The following LRRC4C variants were observed in gnomAD, a reference collection of about 807,000 sequenced individuals.
The protein encoded by LRRC4C is leucine-rich repeat-containing protein 4C.
A neutral mutation model predicts 33.6 loss-of-function variants in LRRC4C; 5 were observed. The observed-to-expected ratio is 0.15, with a 90% CI of 0.08 to 0.31. The LOEUF is 0.31. Among genes scored for constraint, LRRC4C ranks in the 10% least tolerant of loss-of-function variants. The pLI is 1.00. For synonymous variants in LRRC4C, 329 were observed against 302.0 expected, an observed-to-expected ratio of 1.09 and a Z score of -0.93; for missense variants, 560 against 796.7, an observed-to-expected ratio of 0.70 and a Z score of 3.58.
chr11:40,472,018 G>A (rs1219313309), intron 3 of LRRC4C, among the ~76,000 whole-genome samples: 5 of 152,106 alleles, frequency 3.3e-5, no homozygotes, highest in African/African-American at 4.8e-5. Context: ...ACTCGAGGCC[G>A]GGCAAGGTGG....
At chr11:41,317,386 T>C (rs1270907909) in intron 1 of LRRC4C, among the ~76,000 whole-genome samples, 1 of 152,234 alleles carries the variant, frequency 6.6e-6, no homozygotes, top group Admixed American at 6.5e-5. Flanking sequence ...TTCCCTTCTT[T>C]TCTATTCCCA....
intron 1 of LRRC4C, among the ~76,000 whole-genome samples, chr11:41,243,808 C>T (rs1022565932): frequency 6.6e-6 from 1 of 152,178 alleles, no homozygotes; most frequent in Admixed American, 6.5e-5. Flanking sequence ...CTGGGCTCTA[C>T]CTTTGGTGAT....
chr11:40,795,098 A>T (rs930459291), intron 2 of LRRC4C, among the ~76,000 whole-genome samples: 6 of 152,190 alleles, frequency 3.9e-5, no homozygotes, highest in Non-Finnish European at 7.3e-5. Context: ...GGTAACAGTC[A>T]ATGACTTGCA....
chr11:41,130,221 C>A (rs1297888295), intron 1 of LRRC4C, among the ~76,000 whole-genome samples: 1 of 151,902 alleles, frequency 6.6e-6, no homozygotes, highest in African/African-American at 2.4e-5. Context: ...TTATCATCTC[C>A]TTGGCACTAC....
intron 2 of LRRC4C, among the ~76,000 whole-genome samples, chr11:40,849,267 A>G (rs1178508477): frequency 6.6e-6 from 1 of 152,182 alleles, no homozygotes; most frequent in Admixed American, 6.5e-5. Context: ...TTCTTTTTGC[A>G]GTGGCTTGTG....
chr11:40,153,641 A>G (rs773601610), intron 5 of LRRC4C, among the ~76,000 whole-genome samples: 9 of 152,156 alleles, frequency 5.9e-5, no homozygotes, highest in Non-Finnish European at 1.3e-4. Context: ...TTAGAAATGA[A>G]AAATGCTCTG....
At chr11:40,446,207 C>A (rs895268962) in intron 3 of LRRC4C, 2 of 152,200 alleles carry the variant, frequency 1.3e-5, no homozygotes, top group Non-Finnish European at 2.9e-5. Context: ...CTACTGTATT[C>A]AAAATATTGC....
At chr11:41,164,557 G>A (rs1944634623) in intron 1 of LRRC4C, among the ~76,000 whole-genome samples, 1 of 152,092 alleles carries the variant, frequency 6.6e-6, no homozygotes, top group African/African-American at 2.4e-5. Flanking sequence ...AACTCTATGT[G>A]CTGCACTTCT....
At chr11:41,231,558 T>C (rs1246168132) in intron 1 of LRRC4C, among the ~76,000 whole-genome samples, 2 of 133,660 alleles carry the variant, frequency 1.5e-5, no homozygotes, top group African/African-American at 5.8e-5. Flanking sequence ...TAGGTGGGAA[T>C]TGAACAATGA....
intron 1 of LRRC4C, among the ~76,000 whole-genome samples, chr11:41,287,414 C>G (rs1416146639): frequency 6.6e-6 from 1 of 152,062 alleles, no homozygotes; most frequent in Admixed American, 6.6e-5. Flanking sequence ...TAGGTTGGTG[C>G]AAAAGTAATT....
intron 2 of LRRC4C, among the ~76,000 whole-genome samples, chr11:40,865,513 A>G (rs925649675): frequency 8.1e-4 from 33 of 40,512 alleles, no homozygotes; most frequent in East Asian, 1.6e-3. Context: ...CACAGTGTGT[A>G]TATATATATA....
intron 2 of LRRC4C, among the ~76,000 whole-genome samples, chr11:40,774,960 T>G (rs1207504297): frequency 6.6e-6 from 1 of 151,986 alleles, no homozygotes; most frequent in African/African-American, 2.4e-5. Context: ...GTTTTCAAAT[T>G]AAAAATATAA....
intron 6 of LRRC4C, among the ~76,000 whole-genome samples, chr11:40,129,777 T>G (rs1256491982): frequency 6.6e-5 from 10 of 152,116 alleles, no homozygotes; most frequent in Non-Finnish European, 1.2e-4. Flanking sequence ...TATCACAATC[T>G]AAAGCAACAA....
intron 5 of LRRC4C, among the ~76,000 whole-genome samples, chr11:40,229,125 CT>C (rs1301142118): frequency 6.6e-6 from 1 of 152,164 alleles, no homozygotes; most frequent in Admixed American, 6.5e-5. Context: ...TTAATCTTCT[CT>C]TTTTTCTACC....
chr11:40,229,974 A>G (rs1865084961), intron 5 of LRRC4C, among the ~76,000 whole-genome samples: 1 of 152,224 alleles, frequency 6.6e-6, no homozygotes, highest in South Asian at 2.1e-4. Context: ...TTTCTTTCCA[A>G]TGATGAATCT....
intron 2 of LRRC4C, among the ~76,000 whole-genome samples, chr11:40,872,317 T>TG (rs1554982800): frequency 2.1e-5 from 3 of 146,204 alleles, no homozygotes; most frequent in Admixed American, 6.8e-5. Flanking sequence ...GGCTGAAAGT[T>TG]AAAAAAAAAA....
intron 2 of LRRC4C, among the ~76,000 whole-genome samples, chr11:40,709,128 A>G (rs935443868): frequency 1.3e-5 from 2 of 152,168 alleles, no homozygotes; most frequent in Admixed American, 6.5e-5. Flanking sequence ...TCCTGAATAC[A>G]GCACACTGAT....
intron 1 of LRRC4C, among the ~76,000 whole-genome samples, chr11:41,120,317 C>G (rs1413267918): frequency 6.6e-6 from 1 of 152,176 alleles, no homozygotes; most frequent in African/African-American, 2.4e-5. Flanking sequence ...TATTGAGTTC[C>G]AGGCATAGTA....
chr11:41,343,943 G>A (rs550919001), intron 1 of LRRC4C, among the ~76,000 whole-genome samples: 1 of 152,118 alleles, frequency 6.6e-6, no homozygotes, highest in South Asian at 2.1e-4. Flanking sequence ...AAAACTTTCC[G>A]CTAATCAGAG....
Sources: allele counts gnomAD v4.1 joint callset (sites outside exome capture counted in the v4.1 genomes callset), GRCh38; gene constraint gnomAD v4.1.1; transcripts MANE v1.5; gene names NCBI Gene and HGNC (gene_info 2026-07-23, HGNC 2026-07-21).